The following PI15 variants were observed in gnomAD, a reference collection of about 807,000 sequenced individuals.
PI15 encodes the protein 25 kDa trypsin inhibitor.
PI15 carries 18 observed loss-of-function variants against 31.0 expected under a neutral mutation model. The ratio of observed to expected loss-of-function variants is 0.58; its 90% CI spans 0.40 to 0.86. The LOEUF (loss-of-function observed/expected upper bound fraction) is 0.86. Ranked by LOEUF, PI15 falls within the 40% of genes least tolerant of loss-of-function variation. The probability of loss-of-function intolerance (pLI) is 0.00; values close to 1 mark genes in which losing one functional copy is unlikely to be tolerated. For synonymous variants in PI15, 118 were observed against 119.1 expected (o/e 0.99, Z 0.06); for missense variants, 282 against 328.1 (o/e 0.86, Z 1.09).
At chr8:74,840,507 A>C (rs1810929768) in intron 2 of PI15, among the ~76,000 whole-genome samples, 2 of 152,220 alleles carry the variant, frequency 1.3e-5, no homozygotes, top group Admixed American at 1.3e-4. Flanking sequence ...TTCTCTGGGA[A>C]TTGTAACCAA....
At chr8:74,835,487 A>G (rs1810849325) in intron 2 of PI15, among the ~76,000 whole-genome samples, 1 of 152,220 alleles carries the variant, frequency 6.6e-6, no homozygotes, top group Non-Finnish European at 1.5e-5. Context: ...CAAGTTGAGA[A>G]AAATATTATA....
chr8:74,834,869 C>T, intron 2 of PI15, among the ~76,000 whole-genome samples: 1 of 50,852 alleles, frequency 2.0e-5, no homozygotes, highest in East Asian at 2.2e-4. Flanking sequence ...GGCACATTCT[C>T]CTGATGATTC....
chr8:74,842,454 T>C (rs1282302443), intron 2 of PI15, among the ~76,000 whole-genome samples: 1 of 152,186 alleles, frequency 6.6e-6, no homozygotes, highest in Non-Finnish European at 1.5e-5. Context: ...GACATTGAAC[T>C]ATGAAACCAA....
rs987492851 is a variant in PI15 at position 74,852,576 on chromosome 8, C to T, written c.*3323C>T. On this transcript the variant is annotated 3_prime_UTR_variant, in exon 6 of 6. Transcript: ENST00000260113. ...CATTTAAAAAGTTTATGAAAACATT[C>T]ATTTGAAAGTTCCATGCAGCTTTAG... The T allele has an allele frequency of 6.6e-5, 10 of 152,080 alleles. No individual in the cohort carries two copies. The highest frequency in any genetic ancestry group is 2.2e-4 in the African/African-American group (9 of 41,438). 9.4% of individuals were successfully genotyped at this position (152,080 alleles called of 1,614,324 possible). A position where few individuals can be genotyped will look rare whatever the true frequency, so the allele number is the denominator to read the frequency against.
intron 3 of PI15, among the ~76,000 whole-genome samples, chr8:74,844,427 CTGTGTGTGTGTG>C (rs57644375): frequency 1.6e-4 from 22 of 141,788 alleles, no homozygotes; most frequent in East Asian, 8.6e-4. Context: ...TGTGCAGAGG[CTGTGTGTGTGTG>C]TGTGTGTGTG....
At chr8:74,844,368 A>G (rs1029173146) in intron 3 of PI15, among the ~76,000 whole-genome samples, 2 of 151,750 alleles carry the variant, frequency 1.3e-5, no homozygotes, top group Admixed American at 1.3e-4. Context: ...GAAAGGGTCA[A>G]GCCTGTGCTG....
At chr8:74,847,431 G>A (rs887103459) in intron 5 of PI15, among the ~76,000 whole-genome samples, 2 of 144,318 alleles carry the variant, frequency 1.4e-5, no homozygotes, top group African/African-American at 2.6e-5. Context: ...GGCAACAAGA[G>A]CGAAACTCTG....
At chr8:74,824,813 G>A (rs780160894) in intron 1 of PI15, 138 bp downstream of exon 1, 7 of 173,372 alleles carry the variant, frequency 4.0e-5, no homozygotes, top group Non-Finnish European at 8.8e-5. Context: ...ATGTCTGGCA[G>A]ACATTATCAG....
Position 74,851,179 on chromosome 8 carries a change from TG to T in PI15, c.*1928del, listed in dbSNP as rs942051960. 5 of 152,448 alleles carry T rather than the reference TG, an allele frequency of 3.3e-5. No homozygotes were observed. Among genetic ancestry groups the T allele is most frequent in the Admixed American group, 2.0e-4 (3 of 15,270 alleles). The allele number at this position is 152,448 out of a possible 1,614,324, so 9.4% of individuals were successfully genotyped here. On this transcript the variant is annotated 3_prime_UTR_variant, in exon 6 of 6. Coordinates refer to ENST00000260113, the MANE Select transcript of PI15 (RefSeq NM_015886.5). ...AGACACTACTAAAAATAAATATTTT[TG>T]GAGATTAAAATGGAGAATAGAAGTA...
chr8:74,826,298 G>C, intron 2 of PI15: 1 of 980,324 alleles, frequency 1.0e-6, no homozygotes, highest in Non-Finnish European at 1.2e-6. Context: ...CGTCTTACAA[G>C]AGCACAGCTT....
chr8:74,836,268 A>T (rs1450593567), intron 2 of PI15, among the ~76,000 whole-genome samples: 1 of 152,158 alleles, frequency 6.6e-6, no homozygotes, highest in Admixed American at 6.5e-5. Flanking sequence ...AGTGGAGGTG[A>T]TGTGACCTGT....
intron 2 of PI15, among the ~76,000 whole-genome samples, chr8:74,840,067 A>C (rs946678927): frequency 1.3e-5 from 2 of 151,984 alleles, no homozygotes; most frequent in African/African-American, 4.8e-5. Flanking sequence ...TTTTGTTGAA[A>C]ATTTCTATAT....
At chr8:74,844,128 A>G in intron 3 of PI15, 29 bp downstream of exon 3, 2 of 937,296 alleles carry the variant, frequency 2.1e-6, no homozygotes, top group East Asian at 2.4e-5. Flanking sequence ...GATGCAGTTC[A>G]TCCACATGGC....
intron 2 of PI15, among the ~76,000 whole-genome samples, chr8:74,834,038 G>A (rs73689273): frequency 0.015 from 2,244 of 152,230 alleles, 55 homozygotes; most frequent in African/African-American, 0.051. Context: ...GCACTCCTTA[G>A]GAGAATCTAA....
chr8:74,834,664 T>C (rs1006896379), intron 2 of PI15, among the ~76,000 whole-genome samples: 1 of 152,202 alleles, frequency 6.6e-6, no homozygotes, highest in Non-Finnish European at 1.5e-5. Context: ...TATGCACGCA[T>C]GAACAGTGAC....
chr8:74,840,914 G>A (rs947692269), intron 2 of PI15, among the ~76,000 whole-genome samples: 4 of 152,096 alleles, frequency 2.6e-5, no homozygotes, highest in Non-Finnish European at 5.9e-5. Flanking sequence ...CATGGACATC[G>A]GTGAACACGT....
intron 2 of PI15, among the ~76,000 whole-genome samples, chr8:74,831,296 GT>G (rs546284401): frequency 1.4e-3 from 214 of 152,246 alleles, no homozygotes; most frequent in Non-Finnish European, 2.2e-3. Flanking sequence ...ATTGGACACA[GT>G]TTTTTTGGTG....
At chr8:74,825,996 CT>C (rs1017094522) in intron 2 of PI15, among the ~76,000 whole-genome samples, 2 of 151,878 alleles carry the variant, frequency 1.3e-5, no homozygotes, top group African/African-American at 2.4e-5. Context: ...TGTCTTTTCC[CT>C]TTTTTGGACA....
intron 2 of PI15, among the ~76,000 whole-genome samples, chr8:74,842,294 T>C (rs1810956374): frequency 6.6e-6 from 1 of 152,140 alleles, no homozygotes; most frequent in Non-Finnish European, 1.5e-5. Context: ...CATGTAAATA[T>C]AAGTGATCAT....
Sources: gnomAD v4.1 joint callset for allele counts (sites outside exome capture counted in the v4.1 genomes callset) on GRCh38, gnomAD v4.1.1 for gene constraint, MANE v1.5 for transcripts, NCBI Gene and HGNC (gene_info 2026-07-23, HGNC 2026-07-21) for gene names.